MARCHF6: variants seen among roughly 807,000 people sequenced by gnomAD.
MARCHF6 encodes E3 ubiquitin-protein ligase MARCHF6.
In MARCHF6, 31 loss-of-function variants were observed where a neutral mutation model predicts 133.7. The observed-to-expected ratio is 0.23, with a 90% CI of 0.17 to 0.31. The LOEUF is 0.31. Ranked by LOEUF, MARCHF6 falls within the 10% of genes least tolerant of loss-of-function variation. MARCHF6 has a pLI of 1.00. For missense variants in MARCHF6, 723 were observed against 1,121.6 expected, an observed-to-expected ratio of 0.64 and a Z score of 5.08; for synonymous variants, 395 against 402.5, an observed-to-expected ratio of 0.98 and a Z score of 0.22.
chr5:10,365,542 C>T (rs115521622), intron 1 of MARCHF6, among the ~76,000 whole-genome samples: 2,113 of 151,962 alleles, frequency 0.014, 44 homozygotes, highest in African/African-American at 0.048. Flanking sequence ...TCAGGTGATC[C>T]GCCCACCTCA....
At chr5:10,431,854 T>G (rs1740389171) in intron 25 of MARCHF6, among the ~76,000 whole-genome samples, 1 of 152,226 alleles carries the variant, frequency 6.6e-6, no homozygotes, top group East Asian at 1.9e-4. Flanking sequence ...ATCTTGCTAT[T>G]TAGTCATTAC....
intron 10 of MARCHF6, among the ~76,000 whole-genome samples, chr5:10,399,320 A>T (rs973298683): frequency 5.3e-5 from 8 of 151,970 alleles, no homozygotes; most frequent in African/African-American, 1.9e-4. Flanking sequence ...TATATAATTT[A>T]TAAATAAATT....
chr5:10,403,622 A>G, intron 15 of MARCHF6, 81 bp downstream of exon 15: 3 of 1,290,764 alleles, frequency 2.3e-6, no homozygotes, highest in East Asian at 2.4e-5. Context: ...CTCAAAGGCT[A>G]TGATGATTTC....
At chr5:10,378,550 G>A (rs1736925669) in intron 2 of MARCHF6, among the ~76,000 whole-genome samples, 1 of 152,094 alleles carries the variant, frequency 6.6e-6, no homozygotes, top group Non-Finnish European at 1.5e-5. Context: ...TTTTTTAATG[G>A]TAGAAAAATG....
At chr5:10,372,426 A>G (rs1253064489) in intron 1 of MARCHF6, among the ~76,000 whole-genome samples, 2 of 152,198 alleles carry the variant, frequency 1.3e-5, no homozygotes, top group Non-Finnish European at 2.9e-5. Context: ...TTTATACTTC[A>G]TTATACAATT....
intron 15 of MARCHF6, among the ~76,000 whole-genome samples, chr5:10,405,137 C>G (rs1268952264): frequency 6.6e-6 from 1 of 152,136 alleles, no homozygotes; most frequent in African/African-American, 2.4e-5. Context: ...CCAGACTCCT[C>G]CTTTACCCCA....
At chr5:10,390,067 A>G (rs899400271) in intron 5 of MARCHF6, among the ~76,000 whole-genome samples, 1 of 152,132 alleles carries the variant, frequency 6.6e-6, no homozygotes, top group African/African-American at 2.4e-5. Context: ...GGTAATTTCC[A>G]TATAGTTCTG....
intron 4 of MARCHF6, among the ~76,000 whole-genome samples, chr5:10,384,719 G>A (rs1737360054): frequency 6.6e-6 from 1 of 152,162 alleles, no homozygotes; most frequent in South Asian, 2.1e-4. Flanking sequence ...TCAGGACATA[G>A]AGCATCTGGA....
Position 10,391,726 on chromosome 5 carries a change from C to G in MARCHF6, c.761C>G (p.Ala254Gly). The G allele has an allele frequency of 6.5e-7, 1 of 1,546,808 alleles. No homozygotes were observed. The highest frequency in any genetic ancestry group is 1.2e-5 in the South Asian group (1 of 81,830). Residue 254 changes from alanine (A) to glycine (G), a missense_variant, in exon 7 of 26, where the codon GCC becomes GGC. Transcript: ENST00000274140. ...GATGCGGCAGATGCTAATAACGGAG[C>G]CCAGGGTAATGGCTGCTTGTGTGTC... ...VEDAADANNG[A>G]QDDMNWNALE...
chr5:10,398,744 C>CT (rs1305426060), intron 10 of MARCHF6, among the ~76,000 whole-genome samples: 1 of 152,072 alleles, frequency 6.6e-6, no homozygotes, highest in Non-Finnish European at 1.5e-5. Flanking sequence ...CTAAGTAAAG[C>CT]TTTTTCTAAT....
chr5:10,401,937 T>C, intron 11 of MARCHF6, 122 bp from the exon 12 acceptor site: 1 of 653,498 alleles, frequency 1.5e-6, no homozygotes, highest in Admixed American at 2.6e-5. Context: ...TTTACAGTTG[T>C]TTCCTGGTTA....
At chr5:10,370,468 A>G (rs539844014) in intron 1 of MARCHF6, among the ~76,000 whole-genome samples, 1 of 152,172 alleles carries the variant, frequency 6.6e-6, no homozygotes, top group Non-Finnish European at 1.5e-5. Flanking sequence ...TACTTATTTT[A>G]ACTATTTTTA....
At chr5:10,430,462 T>A (rs750213760) in intron 25 of MARCHF6, among the ~76,000 whole-genome samples, 6 of 152,028 alleles carry the variant, frequency 3.9e-5, no homozygotes, top group Non-Finnish European at 8.8e-5. Context: ...TGCACCACCA[T>A]GCTCAGCTAA....
chr5:10,407,086 C>G lies in MARCHF6; in HGVS notation c.1453-16C>G, dbSNP rs1738945159. The G allele has an allele frequency of 6.8e-7, 1 of 1,474,382 alleles. No individual in the cohort carries two copies. The highest frequency in any genetic ancestry group is 9.5e-7 in the Non-Finnish European group (1 of 1,054,632). The allele number at this position is 1,474,382 out of a possible 1,614,324, so 91.3% of individuals were successfully genotyped here. A position where few individuals can be genotyped will look rare whatever the true frequency, so the allele number is the denominator to read the frequency against. Reference sequence around the variant, plus strand: ...TTGACTCTTATAGTGGTGTCATACCCTGTTTCCTTCTGCAGATTGTCTTTG... The same window carrying G: ...TTGACTCTTATAGTGGTGTCATACCGTGTTTCCTTCTGCAGATTGTCTTTG... On this transcript the variant is annotated splice_polypyrimidine_tract_variant and intron_variant, in intron 16 of 25. Coordinates refer to ENST00000274140, the MANE Select transcript of MARCHF6 (RefSeq NM_005885.4).
chr5:10,425,940 G>A (rs1740060696), intron 23 of MARCHF6, among the ~76,000 whole-genome samples: 1 of 152,112 alleles, frequency 6.6e-6, no homozygotes, highest in South Asian at 2.1e-4. Flanking sequence ...TTTGATTTAT[G>A]CAAGCTTTTC....
chr5:10,397,417 G>T, intron 10 of MARCHF6, 73 bp downstream of exon 10: 2 of 1,095,294 alleles, frequency 1.8e-6, no homozygotes, highest in Non-Finnish European at 1.3e-6. Flanking sequence ...CCTTGTTATA[G>T]GTTTATTATT....
At position 10,439,265 on chromosome 5, in the gene MARCHF6, AAAC is replaced by A. The variant is rs1410220978; in HGVS notation, c.*5584_*5586del. The A allele has an allele frequency of 1.3e-4, 20 of 152,244 alleles. No individual in the cohort carries two copies. The highest frequency in any genetic ancestry group is 4.3e-4 in the African/African-American group (18 of 41,466). The allele number at this position is 152,244 out of a possible 1,614,324, so 9.4% of individuals were successfully genotyped here. On this transcript the variant is annotated 3_prime_UTR_variant, in exon 26 of 26. Transcript: ENST00000274140. ...AATTGGGCATCAGATGCAAAATTAA[AAAC>A]AAATTGATCCATATCTTAACACTGG... is the stretch of plus-strand genomic sequence containing the variant.
chr5:10,433,915 C>T lies in MARCHF6; in HGVS notation c.*231C>T. The T allele has an allele frequency of 2.0e-6, 1 of 508,192 alleles. No individual in the cohort carries two copies. Among genetic ancestry groups the T allele is most frequent in the East Asian group, 3.5e-5 (1 of 28,438 alleles). The allele number at this position is 508,192 out of a possible 1,614,324, so 31.5% of individuals were successfully genotyped here. On this transcript the variant is annotated 3_prime_UTR_variant, in exon 26 of 26. Transcript: ENST00000274140. ...ATGTGTAAATACAAGTTCCTTGATA[C>T]CCTAAAACCTTGGATTAAACAGAAT...
At chr5:10,368,149 G>A (rs550927821) in intron 1 of MARCHF6, among the ~76,000 whole-genome samples, 56 of 152,248 alleles carry the variant, frequency 3.7e-4, no homozygotes, top group South Asian at 1.0e-3. Context: ...CTCTGTTGAG[G>A]TTTTGGGTGG....
Sources: gnomAD v4.1 joint callset for allele counts (sites outside exome capture counted in the v4.1 genomes callset) on GRCh38, gnomAD v4.1.1 for gene constraint, MANE v1.5 for transcripts, NCBI Gene and HGNC (gene_info 2026-07-23, HGNC 2026-07-21) for gene names.